USH2A: variants seen among roughly 807,000 people sequenced by gnomAD.
The protein encoded by USH2A is Usher syndrome 2A (autosomal recessive, mild).
USH2A carries 443 observed loss-of-function variants against 538.9 expected under a neutral mutation model. That is an observed-to-expected ratio of 0.82 (90% CI 0.76 to 0.89). The LOEUF (loss-of-function observed/expected upper bound fraction) is 0.89. Among genes scored for constraint, USH2A ranks in the 40% least tolerant of loss-of-function variants. The pLI, the probability that USH2A is intolerant of heterozygous loss-of-function variation, is 0.00. For missense variants in USH2A, 6,633 were observed against 6,324.8 expected (o/e 1.05, Z -1.65); for synonymous variants, 2,413 against 2,273.5 (o/e 1.06, Z -1.75).
chr1:216,412,808 G>A (rs2039511678), intron 3 of USH2A, among the ~76,000 whole-genome samples: 1 of 151,716 alleles, frequency 6.6e-6, no homozygotes, highest in Admixed American at 6.6e-5. Flanking sequence ...TAAGGTCAGA[G>A]AAGCTTGGGA....
Position 215,685,706 on chromosome 1 carries a change from G to A in USH2A, c.12067-5330C>T, listed in dbSNP as rs552301185. On this transcript the variant is annotated intron_variant, in intron 61 of 71. Transcript: ENST00000307340. ...ATTATTATTATTATTTTTTTACCAC[G>A]CATTAGGCAAATATCAAACTTGAAT... 4.0e-5 allele frequency among the ~76,000 whole-genome samples: 6 copies of A among 151,590 alleles called. No individual in the cohort carries two copies. The South Asian group carries it at 6.3e-4, about 16-fold the overall frequency.
At chr1:215,818,588 A>C (rs766722462) in intron 47 of USH2A, among the ~76,000 whole-genome samples, 10 of 151,852 alleles carry the variant, frequency 6.6e-5, no homozygotes, top group Non-Finnish European at 1.5e-4. Context: ...TATGAGAGGC[A>C]GGGTTTGGTA....
rs771581716 is a variant in USH2A, at chr1:215,888,471, C to A, written c.8178G>T (p.Gly2726=). The A allele has an allele frequency of 1.2e-6, 2 of 1,613,820 alleles. No homozygotes were observed. Among genetic ancestry groups the A allele is most frequent in the South Asian group, 2.2e-5 (2 of 91,074 alleles). Residue 2726 remains glycine (G), a synonymous_variant, in exon 41 of 72, where the codon GGG becomes GGT. Coordinates refer to ENST00000307340, the MANE Select transcript of USH2A (RefSeq NM_206933.4). ...EVTTRPSRPA[G]VQPPVVTVLE... ...GCACTGTCACCACAGGTGGCTGCACCCCAGCAGGTCGTGAGGGTCTTGTGG... is the reference window on the plus strand; with the variant it reads ...GCACTGTCACCACAGGTGGCTGCACACCAGCAGGTCGTGAGGGTCTTGTGG...
At chr1:215,790,555 G>A (rs1661952420) in intron 50 of USH2A, among the ~76,000 whole-genome samples, 1 of 152,204 alleles carries the variant, frequency 6.6e-6, no homozygotes, top group Non-Finnish European at 1.5e-5. Flanking sequence ...CATAAAAAGA[G>A]ATAGGATTTC....
chr1:215,954,681 T>A (rs1171401873), intron 37 of USH2A, among the ~76,000 whole-genome samples: 4 of 151,938 alleles, frequency 2.6e-5, no homozygotes, highest in African/African-American at 9.7e-5. Context: ...AACCTGCACA[T>A]TGTGCACATG....
At chr1:216,144,456 T>C (rs190397859) in intron 21 of USH2A, among the ~76,000 whole-genome samples, 2 of 152,168 alleles carry the variant, frequency 1.3e-5, no homozygotes, top group Admixed American at 1.3e-4. Context: ...TGAATATCAT[T>C]GGCTAAAATA....
At chr1:216,280,601 T>A (rs138010700) in intron 11 of USH2A, among the ~76,000 whole-genome samples, 1 of 152,340 alleles carries the variant, frequency 6.6e-6, no homozygotes, top group South Asian at 2.1e-4. Flanking sequence ...GTGCTTTAGA[T>A]GTTCTCTCTG....
intron 38 of USH2A, among the ~76,000 whole-genome samples, chr1:215,910,576 A>G (rs1477079436): frequency 6.6e-6 from 1 of 151,988 alleles, no homozygotes. Context: ...TAAGTACTAT[A>G]TAAGTGTTTG....
At chr1:215,713,628 T>C (rs935634723) in intron 61 of USH2A, among the ~76,000 whole-genome samples, 3 of 152,164 alleles carry the variant, frequency 2.0e-5, no homozygotes, top group Admixed American at 2.0e-4. Context: ...ATTTCACCCA[T>C]TGTTCAAAGC....
intron 21 of USH2A, among the ~76,000 whole-genome samples, chr1:216,135,631 G>A (rs2033471354): frequency 6.6e-6 from 1 of 151,850 alleles, no homozygotes; most frequent in Admixed American, 6.6e-5. Context: ...CACCAAATGG[G>A]AAAATGAGTA....
rs1655908779 is a variant in USH2A at position 215,624,085 on chromosome 1, T to C, written c.*1696A>G. 1 of 152,206 alleles carries C rather than the reference T, an allele frequency of 6.6e-6. No individual in the cohort carries two copies. The highest frequency in any genetic ancestry group is 2.4e-5 in the African/African-American group (1 of 41,460). 9.4% of individuals were successfully genotyped at this position (152,206 alleles called of 1,614,324 possible). On this transcript the variant is annotated 3_prime_UTR_variant, in exon 72 of 72. Transcript: ENST00000307340. ...AAAACCAGTAAACTAGTCAATCCTA[T>C]GTTTTCATTTCAGAAAGTATAAAAA...
intron 30 of USH2A, among the ~76,000 whole-genome samples, chr1:216,067,431 G>C (rs866950554): frequency 8.7e-5 from 13 of 149,010 alleles, no homozygotes; most frequent in South Asian, 2.1e-4. Flanking sequence ...AAAAAAGAAA[G>C]AAAGTTTTTG....
chr1:216,165,904 C>T (rs2034158082), intron 21 of USH2A, among the ~76,000 whole-genome samples: 1 of 150,952 alleles, frequency 6.6e-6, no homozygotes, highest in African/African-American at 2.4e-5. Context: ...TTGGTACACA[C>T]ATCACCTGAA....
chr1:215,776,709 T>C (rs1558093060), intron 55 of USH2A, among the ~76,000 whole-genome samples: 2 of 152,180 alleles, frequency 1.3e-5, no homozygotes, highest in Non-Finnish European at 2.9e-5. Flanking sequence ...ACATTTAAGA[T>C]GGAACAGAAA....
intron 55 of USH2A, among the ~76,000 whole-genome samples, chr1:215,778,560 T>G (rs1443815262): frequency 6.6e-6 from 1 of 152,208 alleles, no homozygotes; most frequent in South Asian, 2.1e-4. Flanking sequence ...CCTGTGTAAG[T>G]GTAACCTGTG....
In USH2A at chr1:216,217,755, T is replaced by TA. The variant is rs2035371774; in HGVS notation, c.2994-206dup. 2.0e-5 allele frequency among the ~76,000 whole-genome samples: 3 copies of TA among 152,192 alleles called. No individual in the cohort carries two copies. The South Asian group carries it at 6.2e-4, about 32-fold the overall frequency. On this transcript the variant is annotated intron_variant, in intron 14 of 71. Transcript: ENST00000307340. ...ATCTTTATAAAACTACTGTTCCTGG[T>TA]AAAACCCGTATAAAGCTTTCTCTTT...
intron 35 of USH2A, among the ~76,000 whole-genome samples, chr1:215,986,854 T>C (rs1667884881): frequency 6.6e-6 from 1 of 152,224 alleles, no homozygotes; most frequent in South Asian, 2.1e-4. Flanking sequence ...AAGATGCCTC[T>C]ACTCCGTGGC....
chr1:216,199,320 C>T (rs1048888991), intron 17 of USH2A, among the ~76,000 whole-genome samples: 3 of 152,052 alleles, frequency 2.0e-5, no homozygotes, highest in African/African-American at 7.2e-5. Flanking sequence ...AAATATAATG[C>T]ATTTCATAAG....
intron 26 of USH2A, among the ~76,000 whole-genome samples, chr1:216,082,181 T>C (rs1043615837): frequency 6.6e-6 from 1 of 152,090 alleles, no homozygotes; most frequent in Non-Finnish European, 1.5e-5. Flanking sequence ...CATTCAACAA[T>C]ATTGATTAAC....
Sources: gnomAD v4.1 joint callset for allele counts (sites outside exome capture counted in the v4.1 genomes callset) on GRCh38, gnomAD v4.1.1 for gene constraint, MANE v1.5 for transcripts, NCBI Gene and HGNC (gene_info 2026-07-23, HGNC 2026-07-21) for gene names.